The following TRPA1 variants were observed in gnomAD, a reference collection of about 807,000 sequenced individuals.
TRPA1 encodes the protein ankyrin-like with transmembrane domains 1.
A neutral mutation model predicts 131.3 loss-of-function variants in TRPA1; 129 were observed. The observed-to-expected ratio is 0.98, with a 90% CI of 0.85 to 1.14. TRPA1 has a LOEUF of 1.14. Ranked by LOEUF, TRPA1 falls within the 50% of genes most tolerant of loss-of-function variation. TRPA1 has a pLI of 0.00. For missense variants in TRPA1, 1,304 were observed against 1,354.2 expected, an observed-to-expected ratio of 0.96 and a Z score of 0.58; for synonymous variants, 441 against 451.7, an observed-to-expected ratio of 0.98 and a Z score of 0.30.
intron 23 of TRPA1, among the ~76,000 whole-genome samples, chr8:72,030,805 G>A (rs1416631861): frequency 7.9e-5 from 12 of 152,134 alleles, no homozygotes; most frequent in Non-Finnish European, 1.8e-4. Context: ...ATACTATAGG[G>A]GCAGGAGAGG....
At chr8:72,048,287 C>A (rs13262928) in intron 15 of TRPA1, among the ~76,000 whole-genome samples, 1 of 151,920 alleles carries the variant, frequency 6.6e-6, no homozygotes, top group Non-Finnish European at 1.5e-5. Flanking sequence ...CAGGACTAGA[C>A]AAAATACCCC....
rs778474631 is a variant in TRPA1, at chr8:72,061,764, G to A, written c.808-3C>T. ...TGAATGGCTGTGCACCTTCCCTTCT[G>A]TAAAGGGTTTTAATGCTAGAATCAA... On this transcript the variant is annotated splice_region_variant and splice_polypyrimidine_tract_variant and intron_variant, in intron 6 of 26. Coordinates refer to ENST00000262209, the MANE Select transcript of TRPA1 (RefSeq NM_007332.3). The A allele has an allele frequency of 2.5e-6, 4 of 1,613,556 alleles. No homozygotes were observed. In the African/African-American group the frequency reaches 5.3e-5, roughly 22 times the overall value.
rs1458874927 is a variant in TRPA1 at position 72,061,743 on chromosome 8, TG to T, written c.825del (p.Ile276PhefsTer15). On this transcript the variant is annotated frameshift_variant, in exon 7 of 27. Transcript: ENST00000262209. LOFTEE classifies it high-confidence loss of function. Reference protein sequence around the residue: ...IDPVEKGRCTAIHFAATQGAT... With the variant: ...IDPVEKGRCTXIHFAATQGAT... ...GCTCCCTGGGTGGCAGCAAAATGAATGGCTGTGCACCTTCCCTTCTGTAAAG... is the reference window on the plus strand; with the variant it reads ...GCTCCCTGGGTGGCAGCAAAATGAATGCTGTGCACCTTCCCTTCTGTAAAG... 2 of 1,614,020 alleles carry T rather than the reference TG, an allele frequency of 1.2e-6. No homozygotes were observed.
chr8:72,059,429 C>T lies in TRPA1; in HGVS notation c.954G>A (p.Leu318=). 2 of 1,580,576 alleles carry T rather than the reference C, an allele frequency of 1.3e-6. No homozygotes were observed. Among genetic ancestry groups the T allele is most frequent in the Non-Finnish European group, 8.6e-7 (1 of 1,156,196 alleles). ...CHETMLHRAS[L]FDHHELADYL... is the part of the protein sequence containing the mutation. ...AGTCTGCTAGCTCATGGTGATCAAA[C>T]AATGAAGCTCTGAAAAAACAGAATT... is the stretch of plus-strand genomic sequence containing the variant. The change falls in exon 8 of 27, where the codon TTG becomes TTA. Residue 318 remains leucine (L), a synonymous_variant. Transcript: ENST00000262209.
chr8:72,071,566 G>A (rs902935073), intron 2 of TRPA1, 145 bp downstream of exon 2: 10 of 868,812 alleles, frequency 1.2e-5, no homozygotes, highest in Non-Finnish European at 1.8e-5. Flanking sequence ...GTGCTGGTGT[G>A]TAGGAAAACC....
chr8:72,070,687 C>G lies in TRPA1; in HGVS notation c.268+1024G>C, dbSNP rs187508027. ...CATCTTTTTCTGGCTTTTCCTCTGC[C>G]ATCTGTCTCTTGATGTTGGTACTCT... On this transcript the variant is annotated intron_variant, in intron 2 of 26. Coordinates refer to ENST00000262209, the MANE Select transcript of TRPA1 (RefSeq NM_007332.3). Among the ~76,000 whole-genome samples the G allele has an allele frequency of 4.7e-4, 72 of 152,280 alleles. No homozygotes were observed. In the East Asian group the frequency reaches 0.01, roughly 21 times the overall value.
chr8:72,031,405 C>T (rs541127685), intron 23 of TRPA1, among the ~76,000 whole-genome samples: 1 of 151,698 alleles, frequency 6.6e-6, no homozygotes, highest in Non-Finnish European at 1.5e-5. Flanking sequence ...ATGGCAAAAC[C>T]CCATCTCTAC....
At chr8:72,027,419 T>G (rs1811647709) in intron 24 of TRPA1, among the ~76,000 whole-genome samples, 1 of 152,296 alleles carries the variant, frequency 6.6e-6, no homozygotes, top group African/African-American at 2.4e-5. Flanking sequence ...AAGGGTAAGA[T>G]GCACGCTGCG....
At chr8:72,063,700 CA>C in intron 4 of TRPA1, 129 bp from the exon 5 acceptor site, 1 of 661,116 alleles carries the variant, frequency 1.5e-6, no homozygotes, top group Non-Finnish European at 2.7e-6. Context: ...TAGAGAGCTT[CA>C]TATGTTATGA....
the TRPA1 span, among the ~76,000 whole-genome samples, chr8:72,086,664 T>C: frequency 6.6e-6 from 1 of 152,336 alleles, no homozygotes; most frequent in Non-Finnish European, 1.5e-5. Flanking sequence ...TTATTTTCTC[T>C]CTAAACTCTT....
chr8:72,023,969 A>T, intron 25 of TRPA1, 58 bp from the exon 26 acceptor site: 1 of 1,188,786 alleles, frequency 8.4e-7, no homozygotes, highest in Non-Finnish European at 1.3e-6. Context: ...ACTTTTTCTT[A>T]AGCATGTGCC....
At chr8:72,075,262 G>A (rs371299108) in intron 1 of TRPA1, 37 bp downstream of exon 1, 4 of 1,541,486 alleles carry the variant, frequency 2.6e-6, no homozygotes, top group Non-Finnish European at 2.7e-6. Flanking sequence ...CCGCCCGCAC[G>A]TCGGAACCCC....
intron 7 of TRPA1, 96 bp from the exon 8 acceptor site, chr8:72,059,534 C>T: frequency 1.4e-6 from 1 of 737,854 alleles, no homozygotes; most frequent in African/African-American, 1.8e-5. Context: ...GTGAATTTAA[C>T]TAATCATAAA....
At chr8:72,056,210 C>T (rs1424527488) in intron 10 of TRPA1, 1 of 322,518 alleles carries the variant, frequency 3.1e-6, no homozygotes, top group Non-Finnish European at 5.8e-6. Context: ...CCAAATAACA[C>T]CCAACAGCTT....
rs143460430 is a variant in TRPA1 at position 72,069,181 on chromosome 8, C to T, written c.286G>A (p.Asp96Asn). 1.2e-6 allele frequency: 2 copies of T among 1,614,076 alleles called. No individual in the cohort carries two copies. Among genetic ancestry groups the T allele is most frequent in the African/African-American group, 2.7e-5 (2 of 74,930 alleles). ...CAATGCAGAGGGGTATTTCCATAATCATCCATTTCATGCAGCACTAGAAAA... is the reference window on the plus strand; with the variant it reads ...CAATGCAGAGGGGTATTTCCATAATTATCCATTTCATGCAGCACTAGAAAA... ...SSLEVLHEMD[D>N]YGNTPLHCAV... Residue 96 changes from aspartate to asparagine, a missense_variant, in exon 3 of 27, where the codon GAT becomes AAT. Asp to Asn is a conservative substitution (Grantham distance 23). Transcript: ENST00000262209.
In TRPA1 at chr8:72,053,752, C is replaced by A. The variant is rs1414535381; in HGVS notation, c.1644+1G>T. 3 of 1,609,200 alleles carry A rather than the reference C, an allele frequency of 1.9e-6. No homozygotes were observed. The highest frequency in any genetic ancestry group is 2.5e-6 in the Non-Finnish European group (3 of 1,177,124). ...GTAAGCATGAGGACCGCAGTACATA[C>A]CCCGTCTTCATCCAGGCGATCTGTG... On this transcript the variant is annotated splice_donor_variant, in intron 13 of 26. Coordinates refer to ENST00000262209, the MANE Select transcript of TRPA1 (RefSeq NM_007332.3). LOFTEE classifies it high-confidence loss of function.
upstream of TRPA1, among the ~76,000 whole-genome samples, chr8:72,077,932 T>G (rs899741446): frequency 6.6e-6 from 1 of 152,054 alleles, no homozygotes; most frequent in Non-Finnish European, 1.5e-5. Flanking sequence ...TCCTAGAAAT[T>G]TTCTGAAGGT....
At chr8:72,045,057 GCAACAAA>G (rs1812382025) in intron 17 of TRPA1, among the ~76,000 whole-genome samples, 1 of 151,792 alleles carries the variant, frequency 6.6e-6, no homozygotes, top group South Asian at 2.1e-4. Flanking sequence ...ACATACATAT[GCAACAAA>G]TTTTCTAAGT....
chr8:72,035,996 C>T (rs145500880), intron 21 of TRPA1, among the ~76,000 whole-genome samples: 73 of 122,360 alleles, frequency 6.0e-4, no homozygotes, highest in Non-Finnish European at 1.1e-3. Flanking sequence ...ACAAGACAGT[C>T]CCCCTCCACA....
Sources: gnomAD v4.1 joint callset for allele counts (sites outside exome capture counted in the v4.1 genomes callset) on GRCh38, gnomAD v4.1.1 for gene constraint, MANE v1.5 for transcripts, NCBI Gene and HGNC (gene_info 2026-07-23, HGNC 2026-07-21) for gene names.